Variants in DNA2 observed in about 807,000 individuals in gnomAD.
DNA2 encodes DNA replication ATP-dependent helicase/nuclease DNA2.
DNA2 carries 101 observed loss-of-function variants against 119.1 expected under a neutral mutation model. The ratio of observed to expected loss-of-function variants is 0.85; its 90% CI spans 0.72 to 1.00. The LOEUF (loss-of-function observed/expected upper bound fraction) is 1.00. Ranked by LOEUF, DNA2 falls within the 50% of genes least tolerant of loss-of-function variation. DNA2 has a pLI of 0.00. For synonymous variants in DNA2, 366 were observed against 424.4 expected (o/e 0.86, Z 1.69); for missense variants, 1,121 against 1,255.5 (o/e 0.89, Z 1.62).
At chr10:68,427,021 C>T (rs566788256) in intron 14 of DNA2, among the ~76,000 whole-genome samples, 1 of 151,994 alleles carries the variant, frequency 6.6e-6, no homozygotes, top group South Asian at 2.1e-4. Flanking sequence ...AGCATATAAT[C>T]CAAAATGGGC....
In DNA2 at chr10:68,430,507, T is replaced by TA; in HGVS notation, c.2136dup (p.Thr713TyrfsTer12). On this transcript the variant is annotated frameshift_variant, in exon 14 of 21. Transcript: ENST00000358410. LOFTEE classifies it high-confidence loss of function. ...TTTGATCTGCAAATTTCTTGCTCTG[T>TA]AAATTGCTGGATAGCTGGATGAACC... is the stretch of plus-strand genomic sequence containing the variant. The TA allele has an allele frequency of 6.2e-7, 1 of 1,612,264 alleles. No homozygotes were observed. Among genetic ancestry groups the TA allele is most frequent in the Non-Finnish European group, 8.5e-7 (1 of 1,179,150 alleles).
At chr10:68,457,133 C>CAA (rs113503197) in intron 5 of DNA2, among the ~76,000 whole-genome samples, 7 of 119,224 alleles carry the variant, frequency 5.9e-5, no homozygotes, top group African/African-American at 1.2e-4. Context: ...GACTCCATCT[C>CAA]AAAAAAAAAA....
At chr10:68,426,812 C>G (rs1022398879) in intron 14 of DNA2, among the ~76,000 whole-genome samples, 15 of 151,990 alleles carry the variant, frequency 9.9e-5, no homozygotes, top group African/African-American at 3.1e-4. Flanking sequence ...GCACTCCAGC[C>G]TGGGCGACAG....
chr10:68,427,314 C>T (rs1164232291), intron 14 of DNA2, among the ~76,000 whole-genome samples: 1 of 151,164 alleles, frequency 6.6e-6, no homozygotes, highest in Non-Finnish European at 1.5e-5. Context: ...GCCGAGTTCA[C>T]ACCACTGCAC....
At chr10:68,454,622 A>G (rs1332452605) in intron 5 of DNA2, among the ~76,000 whole-genome samples, 2 of 151,984 alleles carry the variant, frequency 1.3e-5, no homozygotes, top group Non-Finnish European at 2.9e-5. Flanking sequence ...CCTGGTCAGC[A>G]TGGTGAAACT....
At chr10:68,472,014 G>A (rs367752502), upstream of DNA2, 28 of 1,608,352 alleles carry the variant, frequency 1.7e-5, no homozygotes, top group Middle Eastern at 3.3e-4. Flanking sequence ...GCGCCAGGCC[G>A]CCCCTCCCGC....
chr10:68,445,222 G>A, intron 7 of DNA2, 139 bp from the exon 8 acceptor site: 2 of 792,882 alleles, frequency 2.5e-6, no homozygotes, highest in Non-Finnish European at 3.9e-6. Context: ...CCCAACACTT[G>A]GGGAGGCTGA....
chr10:68,469,935 G>T, intron 2 of DNA2, 46 bp downstream of exon 2: 1 of 1,537,766 alleles, frequency 6.5e-7, no homozygotes, highest in Non-Finnish European at 8.8e-7. Context: ...TTTTACGACA[G>T]TACCCTTAAG....
At chr10:68,419,236 TAA>T in intron 18 of DNA2, 23 bp from the exon 19 acceptor site, 1 of 1,485,848 alleles carries the variant, frequency 6.7e-7, no homozygotes, top group Non-Finnish European at 8.9e-7. Flanking sequence ...AGACACAATT[TAA>T]AAGAAAGAAA....
intron 17 of DNA2, 120 bp downstream of exon 17, chr10:68,422,105 G>A (rs1425868915): frequency 3.8e-6 from 3 of 780,838 alleles, no homozygotes; most frequent in Non-Finnish European, 5.9e-6. Context: ...GAGCCACCAC[G>A]CCCAGCCTAG....
chr10:68,446,136 C>T (rs895278812), intron 7 of DNA2, among the ~76,000 whole-genome samples, 160 bp downstream of exon 7: 2 of 150,938 alleles, frequency 1.3e-5, no homozygotes, highest in African/African-American at 4.9e-5. Context: ...AAAACGAAAA[C>T]AAAAACACAC....
Position 68,430,666 on chromosome 10 carries a change from A to G in DNA2, c.1984-6T>C, listed in dbSNP as rs2051808659. On this transcript the variant is annotated splice_region_variant and splice_polypyrimidine_tract_variant and intron_variant, in intron 13 of 20. Transcript: ENST00000358410. ...CAGGCGTAGAGAATTCTTACCTAAT[A>G]ATGGGTAAGAGAAAAAAGAAAAAAC... 2 of 1,543,634 alleles carry G rather than the reference A, an allele frequency of 1.3e-6. No homozygotes were observed. The highest frequency in any genetic ancestry group is 1.7e-6 in the Non-Finnish European group (2 of 1,145,522).
chr10:68,416,412 G>C (rs1362708760), intron 20 of DNA2, among the ~76,000 whole-genome samples: 4 of 152,288 alleles, frequency 2.6e-5, no homozygotes, highest in African/African-American at 9.6e-5. Flanking sequence ...GGTGCAGTGA[G>C]CTCTGATCAT....
At chr10:68,442,196 T>C (rs1239899779) in intron 9 of DNA2, among the ~76,000 whole-genome samples, 1 of 151,586 alleles carries the variant, frequency 6.6e-6, no homozygotes, top group Non-Finnish European at 1.5e-5. Flanking sequence ...ATTACAGGCA[T>C]GACCCGACGC....
chr10:68,435,406 C>T (rs556181256), intron 10 of DNA2, among the ~76,000 whole-genome samples: 3 of 151,916 alleles, frequency 2.0e-5, no homozygotes, highest in African/African-American at 7.2e-5. Flanking sequence ...GGCGTGGTGG[C>T]TCACAAGGTC....
chr10:68,436,242 A>G (rs2051887209), intron 10 of DNA2, among the ~76,000 whole-genome samples: 1 of 152,234 alleles, frequency 6.6e-6, no homozygotes, highest in Non-Finnish European at 1.5e-5. Flanking sequence ...TCAGCCATAA[A>G]AAAAATGAGG....
At chr10:68,437,348 T>A (rs1273547184) in intron 9 of DNA2, 107 bp from the exon 10 acceptor site, 3 of 991,086 alleles carry the variant, frequency 3.0e-6, no homozygotes, top group African/African-American at 3.3e-5. Context: ...TAAAAATTAT[T>A]ATTGAGGCCG....
intron 14 of DNA2, chr10:68,425,088 C>CTTTTTTTTTTTTTTTTTTT (rs60065153): frequency 8.2e-6 from 1 of 122,554 alleles, no homozygotes; most frequent in African/African-American, 5.6e-5. Flanking sequence ...TGGAACATTT[C>CTTTTTTTTTTTTTTTTTTT]TTTTTTTTTT....
intron 2 of DNA2, among the ~76,000 whole-genome samples, chr10:68,468,923 G>A (rs1263813460): frequency 6.6e-6 from 1 of 152,030 alleles, no homozygotes; most frequent in Non-Finnish European, 1.5e-5. Context: ...GGTGGCGGAC[G>A]CCTGTAATCC....
Sources: gnomAD v4.1 joint callset for allele counts (sites outside exome capture counted in the v4.1 genomes callset) on GRCh38, gnomAD v4.1.1 for gene constraint, MANE v1.5 for transcripts, NCBI Gene and HGNC (gene_info 2026-07-23, HGNC 2026-07-21) for gene names.